The following KAZN variants were observed in gnomAD, a reference collection of about 807,000 sequenced individuals.
The protein encoded by KAZN is kazrin.
In KAZN, 40 loss-of-function variants were observed where a neutral mutation model predicts 87.4. That is an observed-to-expected ratio of 0.46 (90% CI 0.36 to 0.60). KAZN has a LOEUF of 0.60. KAZN is among the 20% of genes least tolerant of loss of function. KAZN has a pLI of 0.00. For synonymous variants in KAZN, 466 were observed against 458.3 expected, an observed-to-expected ratio of 1.02 and a Z score of -0.22; for missense variants, 898 against 1,073.9, an observed-to-expected ratio of 0.84 and a Z score of 2.29.
Position 15,101,741 on chromosome 1 carries a change from C to G in KAZN, c.1746C>G (p.Ile582Met), listed in dbSNP as rs1473223823. The G allele has an allele frequency of 6.3e-7, 1 of 1,587,790 alleles. No individual in the cohort carries two copies. Among genetic ancestry groups the G allele is most frequent in the Non-Finnish European group, 8.6e-7 (1 of 1,166,858 alleles). ...ACCAGGTCAGCATCCTGCTGGGGAT[C>G]GAGCTGCTGTACCAAGTGAACTTCA... ...KFHQVSILLG[I>M]ELLYQVNFSR... The change falls in exon 11 of 15, where the codon ATC (isoleucine) becomes ATG (methionine). Residue 582 changes from isoleucine to methionine, a missense_variant. Coordinates refer to ENST00000376030, the MANE Select transcript of KAZN (RefSeq NM_201628.3).
At chr1:14,484,587 C>G (rs1669251072) in intron 2 of KAZN, among the ~76,000 whole-genome samples, 1 of 152,242 alleles carries the variant, frequency 6.6e-6, no homozygotes, top group South Asian at 2.1e-4. Context: ...GCATAACAAA[C>G]AACCTCAAAA....
At chr1:14,801,526 C>T (rs1646021556) in intron 1 of KAZN, among the ~76,000 whole-genome samples, 1 of 152,062 alleles carries the variant, frequency 6.6e-6, no homozygotes, top group Non-Finnish European at 1.5e-5. Context: ...CTACACCTCC[C>T]CGGGAAGGAG....
chr1:14,320,017 G>T (rs76297118), intron 2 of KAZN, among the ~76,000 whole-genome samples: 1 of 151,964 alleles, frequency 6.6e-6, no homozygotes, highest in Non-Finnish European at 1.5e-5. Context: ...ATCAATGATC[G>T]GATGTTTATT....
At chr1:14,118,001 T>A (rs1043918053) in intron 1 of KAZN, among the ~76,000 whole-genome samples, 3 of 152,196 alleles carry the variant, frequency 2.0e-5, no homozygotes, top group African/African-American at 7.2e-5. Context: ...CACTGCTCAC[T>A]CTTCTGCTGC....
intron 1 of KAZN, among the ~76,000 whole-genome samples, chr1:14,017,892 C>T (rs1200300374): frequency 6.6e-6 from 1 of 152,138 alleles, no homozygotes; most frequent in Non-Finnish European, 1.5e-5. Flanking sequence ...CGTGTTGTTG[C>T]TAAGCTTTGG....
chr1:14,689,554 G>A (rs958833856), intron 1 of KAZN, among the ~76,000 whole-genome samples: 1 of 152,162 alleles, frequency 6.6e-6, no homozygotes, highest in African/African-American at 2.4e-5. Flanking sequence ...TAAGAGAATT[G>A]GTCTGTTTGG....
At chr1:14,269,082 T>A (rs1651718132) in intron 2 of KAZN, among the ~76,000 whole-genome samples, 1 of 152,230 alleles carries the variant, frequency 6.6e-6, no homozygotes. Flanking sequence ...GGCTTTTATT[T>A]GGCTGGGTTC....
intron 2 of KAZN, among the ~76,000 whole-genome samples, chr1:14,417,310 A>G (rs1664875536): frequency 6.6e-6 from 1 of 152,242 alleles, no homozygotes; most frequent in Non-Finnish European, 1.5e-5. Context: ...AATCCATTGC[A>G]CCAGGCTACT....
chr1:14,162,508 A>G (rs986254430), intron 1 of KAZN, among the ~76,000 whole-genome samples: 2 of 151,400 alleles, frequency 1.3e-5, no homozygotes, highest in African/African-American at 4.9e-5. Flanking sequence ...AAAAGATTTT[A>G]TAGCTACACT....
intron 1 of KAZN, among the ~76,000 whole-genome samples, chr1:13,989,606 A>T (rs1639187030): frequency 1.3e-5 from 2 of 152,286 alleles, no homozygotes; most frequent in Middle Eastern, 6.8e-3. Flanking sequence ...GCATTTGTTC[A>T]GTTTTTACTC....
intron 2 of KAZN, among the ~76,000 whole-genome samples, chr1:14,360,310 A>C (rs971279612): frequency 2.0e-5 from 3 of 152,286 alleles, no homozygotes; most frequent in African/African-American, 4.8e-5. Context: ...ACATTCTTCT[A>C]TAAACTAGTT....
intron 2 of KAZN, among the ~76,000 whole-genome samples, chr1:14,299,153 A>T (rs957419830): frequency 6.6e-6 from 1 of 152,098 alleles, no homozygotes; most frequent in Non-Finnish European, 1.5e-5. Flanking sequence ...CATGATTCCT[A>T]CTCTCATGGA....
intron 2 of KAZN, among the ~76,000 whole-genome samples, chr1:14,201,720 G>T (rs1051737880): frequency 1.3e-5 from 2 of 152,236 alleles, no homozygotes; most frequent in African/African-American, 2.4e-5. Flanking sequence ...CCAGGCTGGA[G>T]TGCAATGGCA....
intron 2 of KAZN, among the ~76,000 whole-genome samples, chr1:14,526,737 T>C (rs1016260909): frequency 1.3e-5 from 2 of 152,150 alleles, no homozygotes; most frequent in East Asian, 3.9e-4. Flanking sequence ...ACCATTTTCA[T>C]ACATCAAGAA....
intron 2 of KAZN, among the ~76,000 whole-genome samples, chr1:14,536,846 C>T (rs1672530747): frequency 6.6e-6 from 1 of 152,040 alleles, no homozygotes; most frequent in Admixed American, 6.5e-5. Context: ...CACGCCATTG[C>T]ACTCCAGCCT....
At chr1:14,208,692 CTGCAGCATGGA>C (rs1220377044) in intron 2 of KAZN, among the ~76,000 whole-genome samples, 1 of 152,212 alleles carries the variant, frequency 6.6e-6, no homozygotes, top group African/African-American at 2.4e-5. Flanking sequence ...GAGAATAATG[CTGCAGCATGGA>C]TATAATTTTC....
intron 1 of KAZN, among the ~76,000 whole-genome samples, chr1:14,164,454 T>TTGTGTGTGTGTGTG (rs59816103): frequency 0.01 from 1,475 of 144,720 alleles, 20 homozygotes; most frequent in African/African-American, 0.032. Context: ...CACTATGGCT[T>TTGTGTGTGTGTGTG]TGTGTGTGTG....
intron 2 of KAZN, among the ~76,000 whole-genome samples, chr1:14,540,427 G>A (rs1432097903): frequency 6.6e-6 from 1 of 152,160 alleles, no homozygotes; most frequent in South Asian, 2.1e-4. Context: ...CTTGTTTATG[G>A]ACTGTAAACA....
At chr1:14,690,447 G>C (rs184909255) in intron 1 of KAZN, among the ~76,000 whole-genome samples, 2 of 152,176 alleles carry the variant, frequency 1.3e-5, no homozygotes, top group Non-Finnish European at 2.9e-5. Flanking sequence ...TCTGCGGCCA[G>C]TCTGAAATGG....
Sources: allele counts gnomAD v4.1 joint callset (sites outside exome capture counted in the v4.1 genomes callset), GRCh38; gene constraint gnomAD v4.1.1; transcripts MANE v1.5; gene names NCBI Gene and HGNC (gene_info 2026-07-23, HGNC 2026-07-21).